AEBP2: variants seen among roughly 807,000 people sequenced by gnomAD.
AEBP2 encodes the protein zinc finger protein AEBP2.
Under a neutral mutation model 50.8 loss-of-function variants are expected in AEBP2, and 10 were observed. The ratio of observed to expected loss-of-function variants is 0.20; its 90% confidence interval spans 0.12 to 0.33. The LOEUF (loss-of-function observed/expected upper bound fraction) is 0.33. AEBP2 is among the 10% of genes least tolerant of loss of function. The probability of loss-of-function intolerance (pLI) is 1.00; values close to 1 mark genes in which losing one functional copy is unlikely to be tolerated. For synonymous variants in AEBP2, 296 were observed against 261.3 expected, an observed-to-expected ratio of 1.13 and a Z score of -1.28; for missense variants, 570 against 688.0, an observed-to-expected ratio of 0.83 and a Z score of 1.92.
intron 5 of AEBP2, among the ~76,000 whole-genome samples, chr12:19,505,952 T>G (rs1317275536): frequency 2.0e-5 from 3 of 147,962 alleles, no homozygotes; most frequent in Admixed American, 6.8e-5. Context: ...ATTTTTTGAG[T>G]TTTTTTTTTA....
chr12:19,454,751 C>G (rs1215314413), intron 1 of AEBP2, among the ~76,000 whole-genome samples: 2 of 152,038 alleles, frequency 1.3e-5, no homozygotes, highest in Non-Finnish European at 2.9e-5. Flanking sequence ...TAGGCTAGAC[C>G]TCACCAAAGA....
intron 1 of AEBP2, among the ~76,000 whole-genome samples, chr12:19,454,531 G>T (rs1345962732): frequency 6.6e-6 from 1 of 152,190 alleles, no homozygotes; most frequent in Admixed American, 6.5e-5. Flanking sequence ...GTGCAGCAGA[G>T]CCGTAGCCTT....
At chr12:19,425,094 C>A (rs535090886) in intron 1 of AEBP2, among the ~76,000 whole-genome samples, 1 of 152,224 alleles carries the variant, frequency 6.6e-6, no homozygotes, top group East Asian at 1.9e-4. Flanking sequence ...AACAGTCTAG[C>A]CACTAAACTG....
intron 1 of AEBP2, among the ~76,000 whole-genome samples, chr12:19,448,354 G>A (rs568850949): frequency 2.6e-5 from 4 of 152,028 alleles, no homozygotes; most frequent in Non-Finnish European, 5.9e-5. Flanking sequence ...AAAATTAGGC[G>A]CATGCCTGTA....
chr12:19,419,791 G>A (rs1317463824), intron 1 of AEBP2, among the ~76,000 whole-genome samples: 2 of 150,964 alleles, frequency 1.3e-5, no homozygotes. Context: ...TTAGCCGGGC[G>A]TGGTGGTGTG....
At chr12:19,476,196 G>A (rs1051892593) in intron 3 of AEBP2, among the ~76,000 whole-genome samples, 14 of 152,208 alleles carry the variant, frequency 9.2e-5, no homozygotes, top group East Asian at 5.8e-4. Flanking sequence ...ATGGTTTAAG[G>A]TCTTAGATTT....
intron 1 of AEBP2, among the ~76,000 whole-genome samples, chr12:19,429,422 G>A (rs911298097): frequency 2.6e-5 from 4 of 152,136 alleles, no homozygotes; most frequent in African/African-American, 7.2e-5. Context: ...ATTGTGAATA[G>A]TGCCGCAATA....
At chr12:19,512,298 G>T (rs1949244709) in intron 5 of AEBP2, 100 bp from the exon 6 acceptor site, 2 of 729,752 alleles carry the variant, frequency 2.7e-6, no homozygotes, top group Non-Finnish European at 2.2e-6. Flanking sequence ...GGGATTACAG[G>T]CATGAGCCAT....
rs1486503951 is a variant in AEBP2 at position 19,518,792 on chromosome 12, G to A, written c.*675G>A. ...AAAATTACTGTTAAAGAGTGTTGCAGTATGTCTGGTGGCTCCCTTTTCAGG... is the reference window on the plus strand; with the variant it reads ...AAAATTACTGTTAAAGAGTGTTGCAATATGTCTGGTGGCTCCCTTTTCAGG... On this transcript the variant is annotated 3_prime_UTR_variant, in exon 8 of 8. Transcript: ENST00000266508. 7.4e-7 allele frequency: 1 copy of A among 1,343,878 alleles called. No homozygotes were observed. The highest frequency in any genetic ancestry group is 1.4e-5 in the African/African-American group (1 of 69,144). The allele number at this position is 1,343,878 out of a possible 1,614,324, so 83.2% of individuals were successfully genotyped here. A position where few individuals can be genotyped will look rare whatever the true frequency, so the allele number is the denominator to read the frequency against.
intron 1 of AEBP2, among the ~76,000 whole-genome samples, chr12:19,414,197 G>A (rs574066420): frequency 6.6e-6 from 1 of 152,140 alleles, no homozygotes; most frequent in Non-Finnish European, 1.5e-5. Flanking sequence ...CGGCCAACAA[G>A]GTCTTTATGA....
intron 1 of AEBP2, among the ~76,000 whole-genome samples, chr12:19,462,117 A>G (rs1948389848): frequency 6.6e-6 from 1 of 152,166 alleles, no homozygotes; most frequent in African/African-American, 2.4e-5. Flanking sequence ...TATAAAGATA[A>G]TGCTTTGATT....
At chr12:19,498,987 C>T (rs1015149600) in intron 4 of AEBP2, among the ~76,000 whole-genome samples, 7 of 152,064 alleles carry the variant, frequency 4.6e-5, no homozygotes, top group African/African-American at 1.7e-4. Flanking sequence ...TGGACTCTAG[C>T]ACCTTGGGCA....
chr12:19,469,675 G>C (rs1948541302), intron 2 of AEBP2, among the ~76,000 whole-genome samples: 1 of 152,134 alleles, frequency 6.6e-6, no homozygotes. Flanking sequence ...TTTGAAATCT[G>C]TCTTCTAGCC....
chr12:19,478,319 A>G (rs7138150), intron 3 of AEBP2, among the ~76,000 whole-genome samples: 129,202 of 152,068 alleles, frequency 0.85, 55,180 homozygotes, highest in African/African-American at 0.93. Flanking sequence ...TTTTTGAGAC[A>G]GAGTCTCACT....
rs143329554 is a variant in AEBP2 at position 19,511,923 on chromosome 12, T to G, written c.1300-475T>G. On this transcript the variant is annotated intron_variant, in intron 5 of 7. Transcript: ENST00000266508. ...CTGTGTCATGGAGTTTTCAGTCTTG[T>G]GGGAAAGACAAAGGTTTGAGTGCTA... is the stretch of plus-strand genomic sequence containing the variant. Among the ~76,000 whole-genome samples the G allele has an allele frequency of 1.2e-4, 18 of 152,144 alleles. 1 individual carries two copies. The East Asian group carries it at 3.5e-3, about 29-fold the overall frequency.
chr12:19,424,810 C>G (rs2095747689), intron 1 of AEBP2, among the ~76,000 whole-genome samples: 1 of 151,786 alleles, frequency 6.6e-6, no homozygotes, highest in African/African-American at 2.4e-5. Context: ...GAGTTCAAGA[C>G]CAGCCTGGCC....
chr12:19,462,229 T>G (rs1448118244), intron 1 of AEBP2, among the ~76,000 whole-genome samples: 1 of 152,112 alleles, frequency 6.6e-6, no homozygotes, highest in Admixed American at 6.6e-5. Context: ...TGGGTGTGGT[T>G]TGTTTTCTGT....
intron 1 of AEBP2, among the ~76,000 whole-genome samples, chr12:19,442,521 CT>C (rs1375591996): frequency 2.0e-5 from 3 of 152,272 alleles, no homozygotes; most frequent in Admixed American, 2.0e-4. Flanking sequence ...GGAGTTGTGG[CT>C]TTTATTTGAC....
At chr12:19,409,960 A>G (rs530019256) in intron 1 of AEBP2, among the ~76,000 whole-genome samples, 4 of 152,184 alleles carry the variant, frequency 2.6e-5, no homozygotes, top group Non-Finnish European at 4.4e-5. Flanking sequence ...CAAAAGCTAG[A>G]GTTTCCCTAG....
Sources: gnomAD v4.1 joint callset for allele counts (sites outside exome capture counted in the v4.1 genomes callset) on GRCh38, gnomAD v4.1.1 for gene constraint, MANE v1.5 for transcripts, NCBI Gene and HGNC (gene_info 2026-07-23, HGNC 2026-07-21) for gene names.